The following NFIB variants were observed in gnomAD, a reference collection of about 807,000 sequenced individuals.
NFIB encodes nuclear factor 1 B-type.
NFIB carries 11 observed loss-of-function variants against 61.5 expected under a neutral mutation model. The observed-to-expected ratio is 0.18, with a 90% CI of 0.11 to 0.30. NFIB has a LOEUF of 0.30. Among genes scored for constraint, NFIB ranks in the 10% least tolerant of loss-of-function variants. The pLI is 1.00. For missense variants in NFIB, 471 were observed against 608.9 expected, an observed-to-expected ratio of 0.77 and a Z score of 2.38; for synonymous variants, 260 against 216.5, an observed-to-expected ratio of 1.20 and a Z score of -1.76.
At chr9:14,175,905 G>C (rs892751682) in intron 3 of NFIB, among the ~76,000 whole-genome samples, 2 of 152,114 alleles carry the variant, frequency 1.3e-5, no homozygotes, top group African/African-American at 4.8e-5. Context: ...CATTAGTTTG[G>C]AACTGACTTA....
intron 1 of NFIB, among the ~76,000 whole-genome samples, chr9:14,348,237 C>T (rs2061058147): frequency 6.6e-6 from 1 of 152,112 alleles, no homozygotes; most frequent in Non-Finnish European, 1.5e-5. Flanking sequence ...ACAACTGCAG[C>T]GCACCCTTTT....
intron 2 of NFIB, among the ~76,000 whole-genome samples, chr9:14,203,041 G>T (rs775257797): frequency 1.3e-5 from 2 of 152,152 alleles, no homozygotes; most frequent in Non-Finnish European, 2.9e-5. Context: ...TGCCTTGCAG[G>T]GGACATTTAT....
chr9:14,363,209 C>T (rs2132949237), intron 1 of NFIB, among the ~76,000 whole-genome samples: 1 of 152,058 alleles, frequency 6.6e-6, no homozygotes, highest in South Asian at 2.1e-4. Context: ...ACGGACACTC[C>T]CTCACCCCCA....
At chr9:14,236,951 C>T (rs2053805745) in intron 2 of NFIB, among the ~76,000 whole-genome samples, 1 of 151,988 alleles carries the variant, frequency 6.6e-6, no homozygotes, top group South Asian at 2.1e-4. Context: ...TACTGGAGGG[C>T]TTCCAGAATT....
At chr9:14,163,107 A>C (rs959222439) in intron 3 of NFIB, among the ~76,000 whole-genome samples, 2 of 152,122 alleles carry the variant, frequency 1.3e-5, no homozygotes, top group African/African-American at 4.8e-5. Context: ...GAGTAGATGC[A>C]AAAATTGCAT....
intron 2 of NFIB, among the ~76,000 whole-genome samples, chr9:14,179,985 AAC>A (rs752095238): frequency 2.0e-5 from 3 of 152,214 alleles, no homozygotes; most frequent in Non-Finnish European, 2.9e-5. Flanking sequence ...TCAAAAGAAA[AAC>A]ACAAGTATTG....
intron 3 of NFIB, among the ~76,000 whole-genome samples, chr9:14,173,567 T>C (rs546588807): frequency 4.3e-4 from 66 of 152,198 alleles, no homozygotes; most frequent in Non-Finnish European, 6.9e-4. Flanking sequence ...ATGCATACAA[T>C]AGATGCTCAA....
chr9:14,307,602 C>T lies in NFIB; in HGVS notation c.31-82G>A. The T allele has an allele frequency of 2.3e-6, 3 of 1,329,884 alleles. No individual in the cohort carries two copies. The highest frequency in any genetic ancestry group is 3.0e-6 in the Non-Finnish European group (3 of 994,592). 82.4% of individuals were successfully genotyped at this position (1,329,884 alleles called of 1,614,324 possible). On this transcript the variant is annotated intron_variant, in intron 1 of 10. Transcript: ENST00000380953. This position sits in a 1 kb window ranked among gnomAD's most constrained non-coding sequence, Gnocchi z 5.3. ...CTCAAAAAATAAGAAAAGAAGACCA[C>T]AACCCGTTTCCAATTCAGTACAAAA... is the stretch of plus-strand genomic sequence containing the variant.
intron 3 of NFIB, among the ~76,000 whole-genome samples, chr9:14,174,329 T>G (rs1322926910): frequency 6.6e-6 from 1 of 152,236 alleles, no homozygotes; most frequent in Non-Finnish European, 1.5e-5. Context: ...AGCCTATTTA[T>G]AGTCGAATGC....
At chr9:14,285,375 G>T (rs1482720429) in intron 2 of NFIB, among the ~76,000 whole-genome samples, 2 of 152,138 alleles carry the variant, frequency 1.3e-5, no homozygotes, top group African/African-American at 4.8e-5. Context: ...CCCCACCTCG[G>T]CCTCCCAAAG....
the NFIB span, among the ~76,000 whole-genome samples, chr9:14,498,797 C>CCCTCCCTT: frequency 1.9e-5 from 1 of 53,426 alleles, no homozygotes; most frequent in African/African-American, 1.0e-4. Context: ...CTCCCTCCCT[C>CCCTCCCTT]CCTTCCTCCC....
At chr9:14,095,288 G>C (rs1234619904) in intron 10 of NFIB, among the ~76,000 whole-genome samples, 1 of 152,088 alleles carries the variant, frequency 6.6e-6, no homozygotes, top group Non-Finnish European at 1.5e-5. Flanking sequence ...TTATTATGAA[G>C]ATGACTAATT....
chr9:14,520,890 T>C, the NFIB span, among the ~76,000 whole-genome samples: 1 of 152,184 alleles, frequency 6.6e-6, no homozygotes, highest in Non-Finnish European at 1.5e-5. Flanking sequence ...CCACTGACTT[T>C]CCTTTGCTTC....
chr9:14,479,955 A>T, the NFIB span, among the ~76,000 whole-genome samples: 1 of 152,144 alleles, frequency 6.6e-6, no homozygotes, highest in East Asian at 1.9e-4. Context: ...TTGGAAAAAA[A>T]GAAAGAAGAC....
chr9:14,364,324 C>T (rs948868284), intron 1 of NFIB, among the ~76,000 whole-genome samples: 13 of 152,244 alleles, frequency 8.5e-5, no homozygotes, highest in African/African-American at 2.2e-4. Context: ...GAAAAGCCAA[C>T]GAAGAGATCA....
intron 2 of NFIB, among the ~76,000 whole-genome samples, chr9:14,210,360 TTTTTAC>T (rs1386151056): frequency 6.6e-6 from 1 of 152,104 alleles, no homozygotes; most frequent in Admixed American, 6.5e-5. Flanking sequence ...TAAAAGTTCT[TTTTTAC>T]TTTAAGATTT....
In NFIB at chr9:14,083,963, A is replaced by C. The variant is rs1292066384; in HGVS notation, c.*4346T>G. On this transcript the variant is annotated 3_prime_UTR_variant, in exon 11 of 11. Coordinates refer to ENST00000380953, the MANE Select transcript of NFIB (RefSeq NM_001190737.2). ...TTGCTAAAGGCCGTATATACTAATA[A>C]AAAGACAGTGGTGCTTCGACATTCT... The C allele has an allele frequency of 4.5e-6, 1 of 220,258 alleles. No homozygotes were observed. Among genetic ancestry groups the C allele is most frequent in the Non-Finnish European group, 9.1e-6 (1 of 109,724 alleles). The allele number at this position is 220,258 out of a possible 1,614,324, so 13.6% of individuals were successfully genotyped here. A position where few individuals can be genotyped will look rare whatever the true frequency, so the allele number is the denominator to read the frequency against.
intron 6 of NFIB, among the ~76,000 whole-genome samples, chr9:14,137,267 C>T (rs2041165855): frequency 6.6e-6 from 1 of 152,168 alleles, no homozygotes; most frequent in African/African-American, 2.4e-5. Context: ...ATTTGTTGCA[C>T]CAGAATGGTG....
intron 1 of NFIB, among the ~76,000 whole-genome samples, chr9:14,349,506 T>G (rs1362962160): frequency 6.6e-6 from 1 of 152,074 alleles, no homozygotes; most frequent in Non-Finnish European, 1.5e-5. Flanking sequence ...CACTCCGTTT[T>G]GGGAGCAGCG....
Sources: allele counts gnomAD v4.1 joint callset (sites outside exome capture counted in the v4.1 genomes callset), GRCh38; gene constraint gnomAD v4.1.1; non-coding constraint Gnocchi (gnomAD v3.1); transcripts MANE v1.5; gene names NCBI Gene and HGNC (gene_info 2026-07-23, HGNC 2026-07-21).